MAGI2: variants seen among roughly 807,000 people sequenced by gnomAD.
MAGI2 encodes the protein membrane-associated guanylate kinase, WW and PDZ domain-containing protein 2.
Under a neutral mutation model 133.3 loss-of-function variants are expected in MAGI2, and 35 were observed. The ratio of observed to expected loss-of-function variants is 0.26; its 90% confidence interval spans 0.20 to 0.35. MAGI2 has a LOEUF of 0.35. Among genes scored for constraint, MAGI2 ranks in the 10% least tolerant of loss-of-function variants. The probability of loss-of-function intolerance (pLI) is 1.00; values close to 1 mark genes in which losing one functional copy is unlikely to be tolerated. For synonymous variants in MAGI2, 729 were observed against 710.6 expected (o/e 1.03, Z -0.41); for missense variants, 1,636 against 1,863.4 (o/e 0.88, Z 2.25).
intron 2 of MAGI2, among the ~76,000 whole-genome samples, chr7:78,830,424 C>T (rs966977999): frequency 1.1e-4 from 16 of 151,972 alleles, no homozygotes; most frequent in African/African-American, 3.9e-4. Context: ...ATATCTTATC[C>T]AATCTCTTTT....
At chr7:78,694,481 A>G (rs1468351398) in intron 2 of MAGI2, among the ~76,000 whole-genome samples, 3 of 152,172 alleles carry the variant, frequency 2.0e-5, no homozygotes, top group African/African-American at 7.2e-5. Context: ...TGCTCAAATG[A>G]TAAATCAGAG....
At chr7:79,287,873 T>C (rs968715670) in intron 1 of MAGI2, among the ~76,000 whole-genome samples, 2 of 144,490 alleles carry the variant, frequency 1.4e-5, no homozygotes, top group African/African-American at 2.5e-5. Flanking sequence ...TAAACACAAA[T>C]AGAAAATTGT....
intron 1 of MAGI2, among the ~76,000 whole-genome samples, chr7:79,306,270 T>TA (rs1837794943): frequency 6.8e-6 from 1 of 147,074 alleles, no homozygotes; most frequent in Non-Finnish European, 1.5e-5. Flanking sequence ...TTTATATATA[T>TA]TTTATTTATA....
At chr7:78,079,771 C>T (rs971095615) in intron 20 of MAGI2, among the ~76,000 whole-genome samples, 2 of 152,186 alleles carry the variant, frequency 1.3e-5, no homozygotes, top group Non-Finnish European at 1.5e-5. Context: ...GGTTAAATAC[C>T]AATTCCTCCT....
chr7:78,188,472 G>C (rs1432555960), intron 12 of MAGI2, among the ~76,000 whole-genome samples: 1 of 152,084 alleles, frequency 6.6e-6, no homozygotes, highest in Admixed American at 6.6e-5. Flanking sequence ...AAATCTCTCA[G>C]TACAATTGAG....
At chr7:78,891,823 C>A (rs1392439052) in intron 2 of MAGI2, among the ~76,000 whole-genome samples, 1 of 152,162 alleles carries the variant, frequency 6.6e-6, no homozygotes, top group Non-Finnish European at 1.5e-5. Context: ...TTGCACAAGA[C>A]AGGGATGCCC....
chr7:78,605,362 T>G (rs913947101), intron 3 of MAGI2, among the ~76,000 whole-genome samples: 1 of 152,172 alleles, frequency 6.6e-6, no homozygotes, highest in Non-Finnish European at 1.5e-5. Flanking sequence ...TGGAGAAGAA[T>G]TTTTGCACTA....
chr7:78,486,891 A>C (rs554825441), intron 6 of MAGI2: 3 of 513,374 alleles, frequency 5.8e-6, no homozygotes, highest in Non-Finnish European at 7.8e-6. Flanking sequence ...AGATCATTTC[A>C]AATCTTTGTG....
chr7:78,185,526 C>G (rs1827598810), intron 13 of MAGI2, 103 bp downstream of exon 13: 1 of 882,752 alleles, frequency 1.1e-6, no homozygotes, highest in Middle Eastern at 2.3e-4. Flanking sequence ...TAAAGTAGCA[C>G]AGCGATTATA....
At chr7:78,836,155 A>G (rs1172127315) in intron 2 of MAGI2, among the ~76,000 whole-genome samples, 1 of 152,206 alleles carries the variant, frequency 6.6e-6, no homozygotes, top group East Asian at 1.9e-4. Flanking sequence ...ATGATACAAT[A>G]CTCAGAAGCA....
At chr7:78,758,989 T>C (rs528537307) in intron 2 of MAGI2, among the ~76,000 whole-genome samples, 1 of 152,278 alleles carries the variant, frequency 6.6e-6, no homozygotes, top group African/African-American at 2.4e-5. Context: ...TAAATATATC[T>C]TTATCTTCAG....
At chr7:78,438,301 G>T (rs189706620) in intron 6 of MAGI2, among the ~76,000 whole-genome samples, 23 of 152,048 alleles carry the variant, frequency 1.5e-4, no homozygotes, top group East Asian at 1.9e-4. Context: ...AGCCCATTAG[G>T]TTCCTTGAGA....
chr7:79,058,920 T>C (rs1008508183), intron 1 of MAGI2, among the ~76,000 whole-genome samples: 1 of 152,058 alleles, frequency 6.6e-6, no homozygotes, highest in African/African-American at 2.4e-5. Context: ...AATAATAGCA[T>C]TTACTTTTCA....
At chr7:79,275,353 A>G (rs1835156586) in intron 1 of MAGI2, among the ~76,000 whole-genome samples, 1 of 152,216 alleles carries the variant, frequency 6.6e-6, no homozygotes, top group African/African-American at 2.4e-5. Flanking sequence ...CAAACAAGCC[A>G]CAACATTCTC....
intron 1 of MAGI2, among the ~76,000 whole-genome samples, chr7:79,074,818 G>T (rs1315225524): frequency 6.6e-6 from 1 of 152,130 alleles, no homozygotes; most frequent in African/African-American, 2.4e-5. Context: ...TAATATTTAG[G>T]ATCTATCTCT....
chr7:79,194,297 T>C (rs1395182769), intron 1 of MAGI2, among the ~76,000 whole-genome samples: 2 of 152,018 alleles, frequency 1.3e-5, no homozygotes, highest in Admixed American at 6.6e-5. Context: ...TTGTTTCCTT[T>C]TGTTTTGTTT....
intron 2 of MAGI2, among the ~76,000 whole-genome samples, chr7:78,971,773 A>T (rs1803806167): frequency 1.3e-5 from 2 of 151,882 alleles, no homozygotes; most frequent in African/African-American, 4.8e-5. Flanking sequence ...ACATGATTTA[A>T]TCTGTCTCAA....
At chr7:78,552,507 A>G (rs966551113) in intron 3 of MAGI2, among the ~76,000 whole-genome samples, 3 of 152,234 alleles carry the variant, frequency 2.0e-5, no homozygotes, top group East Asian at 1.9e-4. Context: ...TCAGAAATAC[A>G]TTACATGAAA....
intron 9 of MAGI2, among the ~76,000 whole-genome samples, chr7:78,333,992 G>C (rs1375482335): frequency 6.6e-6 from 1 of 152,156 alleles, no homozygotes; most frequent in Non-Finnish European, 1.5e-5. Context: ...CTGATTCTCA[G>C]TGTGTGCTCA....
Sources: gnomAD v4.1 joint callset for allele counts (sites outside exome capture counted in the v4.1 genomes callset) on GRCh38, gnomAD v4.1.1 for gene constraint, MANE v1.5 for transcripts, NCBI Gene and HGNC (gene_info 2026-07-23, HGNC 2026-07-21) for gene names.